Variants in PCDHA4 observed in about 807,000 individuals in gnomAD.
The protein encoded by PCDHA4 is protocadherin alpha-4.
Under a neutral mutation model 61.4 loss-of-function variants are expected in PCDHA4, and 49 were observed. That is an observed-to-expected ratio of 0.80 (90% CI 0.63 to 1.01). PCDHA4 has a LOEUF of 1.01. Among genes scored for constraint, PCDHA4 ranks in the 50% least tolerant of loss-of-function variants. PCDHA4 has a pLI of 0.00. For missense variants in PCDHA4, 1,254 were observed against 1,235.8 expected (o/e 1.01, Z -0.22); for synonymous variants, 590 against 550.3 (o/e 1.07, Z -1.01).
chr5:140,868,892 A>C (rs1450985948), intron 1 of PCDHA4: 8 of 760,982 alleles, frequency 1.1e-5, no homozygotes, highest in Non-Finnish European at 1.6e-5. Context: ...TTTTAGGCGC[A>C]AGGTGTCGCT....
intron 1 of PCDHA4, among the ~76,000 whole-genome samples, chr5:140,922,043 C>T (rs1305034895): frequency 6.6e-6 from 1 of 152,068 alleles, no homozygotes; most frequent in East Asian, 1.9e-4. Flanking sequence ...AATTTTCCCA[C>T]ATACCTTCAA....
At chr5:140,845,144 C>T (rs2150376784) in intron 1 of PCDHA4, among the ~76,000 whole-genome samples, 2 of 149,524 alleles carry the variant, frequency 1.3e-5, no homozygotes, top group Non-Finnish European at 3.0e-5. Context: ...TATTTGAACA[C>T]ATTGTGTAAA....
chr5:140,846,377 T>TCTC (rs1780417779), intron 1 of PCDHA4, among the ~76,000 whole-genome samples: 1 of 134,692 alleles, frequency 7.4e-6, no homozygotes, highest in African/African-American at 2.7e-5. Flanking sequence ...TTCTTTCTTT[T>TCTC]TTTTTTTTTT....
In PCDHA4 at chr5:140,823,700, C is replaced by T. The variant is rs144257451; in HGVS notation, c.2385+14128C>T. ...CGCTCTCTGGATGAGACCGAAGCAC[C>T]GCGCCACCGCCTTCTGGTGCTGGTG... On this transcript the variant is annotated intron_variant, in intron 1 of 3. Coordinates refer to ENST00000530339, the MANE Select transcript of PCDHA4 (RefSeq NM_018907.4). 9.7e-5 allele frequency: 156 copies of T among 1,613,940 alleles called. No individual in the cohort carries two copies. In the African/African-American group the frequency reaches 1.9e-3, roughly 20 times the overall value.
chr5:140,938,760 T>C (rs574872397), intron 1 of PCDHA4, among the ~76,000 whole-genome samples: 2 of 152,286 alleles, frequency 1.3e-5, no homozygotes, highest in Admixed American at 1.3e-4. Flanking sequence ...GCATAGTTAT[T>C]GGGTACTAGA....
chr5:140,965,976 G>A (rs2095953776), intron 1 of PCDHA4, among the ~76,000 whole-genome samples: 1 of 152,154 alleles, frequency 6.6e-6, no homozygotes, highest in Non-Finnish European at 1.5e-5. Context: ...CCTAGGAGTT[G>A]AGCACTTTCT....
chr5:140,823,064 G>T (rs2150121897), intron 1 of PCDHA4: 1 of 1,614,062 alleles, frequency 6.2e-7, no homozygotes, highest in Non-Finnish European at 8.5e-7. Context: ...CGGGACGGGG[G>T]CTCGCCTTCG....
intron 2 of PCDHA4, 123 bp from the exon 3 acceptor site, chr5:140,982,352 G>A (rs1554244046): frequency 4.0e-6 from 6 of 1,507,640 alleles, no homozygotes; most frequent in Non-Finnish European, 5.3e-6. Context: ...TTCAGTTCAA[G>A]CATGAGCAGA....
intron 1 of PCDHA4, chr5:140,850,568 G>T (rs2150489760): frequency 1.3e-6 from 2 of 1,598,448 alleles, no homozygotes; most frequent in South Asian, 2.2e-5. Context: ...GCCCCGAGGT[G>T]ACGCTGGTGG....
chr5:140,882,061 G>GT, intron 1 of PCDHA4: 1 of 816,902 alleles, frequency 1.2e-6, no homozygotes, highest in Non-Finnish European at 1.9e-6. Flanking sequence ...ACACTTACAC[G>GT]TTCATGCGCA....
intron 3 of PCDHA4, among the ~76,000 whole-genome samples, chr5:141,007,395 CAAAAAAA>C (rs35800918): frequency 2.2e-3 from 204 of 94,846 alleles, no homozygotes; most frequent in African/African-American, 7.3e-3. Flanking sequence ...TACTAAAATA[CAAAAAAA>C]AAAAAAAAAA....
chr5:140,971,541 G>C (rs544682624), intron 1 of PCDHA4, among the ~76,000 whole-genome samples: 1 of 152,290 alleles, frequency 6.6e-6, no homozygotes, highest in Non-Finnish European at 1.5e-5. Flanking sequence ...ATCATTGCCA[G>C]ATCAACCTGT....
intron 3 of PCDHA4, among the ~76,000 whole-genome samples, chr5:140,990,912 A>G (rs1415853627): frequency 1.3e-5 from 2 of 152,148 alleles, no homozygotes; most frequent in African/African-American, 4.8e-5. Context: ...CAAGTTTTAT[A>G]AGTCTTTAAA....
At chr5:141,008,905 A>G (rs1212655574) in intron 3 of PCDHA4, among the ~76,000 whole-genome samples, 2 of 152,256 alleles carry the variant, frequency 1.3e-5, no homozygotes, top group African/African-American at 4.8e-5. Flanking sequence ...TAAAATTAAG[A>G]TCAAATAATT....
chr5:140,910,858 T>C (rs947258615), intron 1 of PCDHA4, among the ~76,000 whole-genome samples: 3 of 152,190 alleles, frequency 2.0e-5, no homozygotes, highest in Non-Finnish European at 4.4e-5. Context: ...CTATGTTCCA[T>C]CCACCATTAT....
intron 1 of PCDHA4, chr5:140,815,506 A>C (rs1410150940): frequency 2.0e-5 from 3 of 148,546 alleles, no homozygotes; most frequent in Non-Finnish European, 4.4e-5. Context: ...TATTGATGTC[A>C]TAAATACATC....
intron 1 of PCDHA4, chr5:140,822,815 C>A: frequency 3.1e-6 from 5 of 1,614,130 alleles, no homozygotes; most frequent in Non-Finnish European, 4.2e-6. Context: ...GATAATACCC[C>A]AGAGATGGCC....
At chr5:140,862,241 T>C (rs1554155946) in intron 1 of PCDHA4, 3 of 213,712 alleles carry the variant, frequency 1.4e-5, no homozygotes, top group Non-Finnish European at 2.8e-5. Flanking sequence ...ACATCAATGA[T>C]AGTGTTCCAG....
intron 1 of PCDHA4, among the ~76,000 whole-genome samples, chr5:140,886,840 A>G (rs1175023921): frequency 4.0e-5 from 6 of 151,546 alleles, no homozygotes; most frequent in South Asian, 2.1e-4. Context: ...AAAAAAAAAA[A>G]AAAAAAAGAA....
Sources: gnomAD v4.1 joint callset for allele counts (sites outside exome capture counted in the v4.1 genomes callset) on GRCh38, gnomAD v4.1.1 for gene constraint, MANE v1.5 for transcripts, NCBI Gene and HGNC (gene_info 2026-07-23, HGNC 2026-07-21) for gene names.